TERB1: variants seen among roughly 807,000 people sequenced by gnomAD.
TERB1 encodes the protein telomere repeats-binding bouquet formation protein 1.
In TERB1, 63 loss-of-function variants were observed where a neutral mutation model predicts 92.3. That is an observed-to-expected ratio of 0.68 (90% confidence interval 0.56 to 0.84). The LOEUF (loss-of-function observed/expected upper bound fraction) is 0.84. Among genes scored for constraint, TERB1 ranks in the 40% least tolerant of loss-of-function variants. The probability of loss-of-function intolerance (pLI) is 0.00; values close to 1 mark genes in which losing one functional copy is unlikely to be tolerated. For synonymous variants in TERB1, 252 were observed against 283.9 expected (o/e 0.89, Z 1.13); for missense variants, 709 against 843.7 (o/e 0.84, Z 1.98).
chr16:66,775,096 C>A, intron 12 of TERB1, 22 bp downstream of exon 12: 1 of 1,550,028 alleles, frequency 6.5e-7, no homozygotes, highest in Non-Finnish European at 8.7e-7. Flanking sequence ...TTGGTATGTT[C>A]TTAAAGTAAT....
chr16:66,769,617 C>T (rs891499835), intron 14 of TERB1, among the ~76,000 whole-genome samples: 12 of 152,312 alleles, frequency 7.9e-5, no homozygotes, highest in East Asian at 3.9e-4. Flanking sequence ...TATCAATGCA[C>T]GCATTGTTAC....
chr16:66,779,998 T>C (rs1464154906), intron 9 of TERB1, among the ~76,000 whole-genome samples: 16 of 152,162 alleles, frequency 1.1e-4, no homozygotes. Flanking sequence ...ATGCCTTTAA[T>C]GACTACAGGC....
chr16:66,768,283 G>GA (rs2018384587), intron 14 of TERB1, 115 bp from the exon 15 acceptor site: 1 of 749,270 alleles, frequency 1.3e-6, no homozygotes, highest in East Asian at 2.7e-5. Flanking sequence ...AAGCAACCTG[G>GA]AATCACGATC....
chr16:66,785,049 T>A (rs1468291356), intron 9 of TERB1, among the ~76,000 whole-genome samples: 1 of 143,366 alleles, frequency 7.0e-6, no homozygotes, highest in Non-Finnish European at 1.5e-5. Context: ...TGAGACAGTC[T>A]CTTTCTGTTG....
At chr16:66,784,945 ACT>A (rs2018702117) in intron 9 of TERB1, among the ~76,000 whole-genome samples, 1 of 148,316 alleles carries the variant, frequency 6.7e-6, no homozygotes, top group Non-Finnish European at 1.5e-5. Flanking sequence ...CTGGTCTCAA[ACT>A]CCTGACCTCA....
chr16:66,759,820 GGAAA>G (rs1459825745), intron 16 of TERB1, among the ~76,000 whole-genome samples: 3 of 135,870 alleles, frequency 2.2e-5, no homozygotes, highest in East Asian at 4.1e-4. Context: ...AAAAAAAAAA[GGAAA>G]GAAAGAAAAG....
At chr16:66,793,725 G>A (rs2018878190) in intron 3 of TERB1, among the ~76,000 whole-genome samples, 1 of 151,908 alleles carries the variant, frequency 6.6e-6, no homozygotes, top group South Asian at 2.1e-4. Context: ...ATTGCCCAGG[G>A]TGGTTTCGAA....
chr16:66,776,394 G>A (rs2145156945), intron 11 of TERB1, among the ~76,000 whole-genome samples: 1 of 151,886 alleles, frequency 6.6e-6, no homozygotes, highest in South Asian at 2.1e-4. Context: ...TCTCATAAGT[G>A]ATCTCAGAAA....
intron 11 of TERB1, among the ~76,000 whole-genome samples, chr16:66,776,903 A>G (rs764212068): frequency 7.1e-6 from 1 of 140,428 alleles, no homozygotes; most frequent in Non-Finnish European, 1.5e-5. Context: ...TGAGAAAACC[A>G]CTGCAATAAT....
chr16:66,792,000 T>C (rs1307056662), intron 3 of TERB1, among the ~76,000 whole-genome samples: 1 of 152,114 alleles, frequency 6.6e-6, no homozygotes, highest in Admixed American at 6.5e-5. Context: ...TACAGACCAG[T>C]TTCCCTCATG....
chr16:66,792,083 C>T (rs545606171), intron 3 of TERB1, among the ~76,000 whole-genome samples: 7 of 152,030 alleles, frequency 4.6e-5, no homozygotes, highest in Middle Eastern at 3.4e-3. Context: ...AAATACATCA[C>T]GACTAAGTGG....
At chr16:66,760,783 C>CA (rs57817560) in intron 16 of TERB1, among the ~76,000 whole-genome samples, 73 of 67,150 alleles carry the variant, frequency 1.1e-3, no homozygotes, top group East Asian at 1.5e-3. Flanking sequence ...GACTCCATCT[C>CA]AAAAAAAAAA....
At position 66,791,035 on chromosome 16, in the gene TERB1, G is replaced by A; in HGVS notation, c.32-16C>T. The A allele has an allele frequency of 1.2e-5, 17 of 1,397,326 alleles. No homozygotes were observed. The highest frequency in any genetic ancestry group is 1.6e-5 in the Non-Finnish European group (16 of 1,025,752). The allele number at this position is 1,397,326 out of a possible 1,614,324, so 86.6% of individuals were successfully genotyped here. A position where few individuals can be genotyped will look rare whatever the true frequency, so the allele number is the denominator to read the frequency against. ...GTCTTCATTTCTAAAGAACAAAAAT[G>A]TCATTATTTTAAACCAAAAGGTTTA... On this transcript the variant is annotated splice_polypyrimidine_tract_variant and intron_variant, in intron 3 of 18. Transcript: ENST00000433154.
At position 66,788,583 on chromosome 16, in the gene TERB1, A is replaced by C. The variant is rs363165; in HGVS notation, c.272-286T>G. ...ACTTACCTGAATAAAAAATTAAATA[A>C]AATTTAGCAAAAAAAAAAAACACTT... On this transcript the variant is annotated intron_variant, in intron 5 of 18. Transcript: ENST00000433154. 0.038 allele frequency among the ~76,000 whole-genome samples: 5,833 copies of C among 151,592 alleles called. 659 individuals carry two copies. In the East Asian group the frequency reaches 0.4, roughly 10 times the overall value.
At chr16:66,801,326 G>T (rs1179705997) in intron 1 of TERB1, 142 bp downstream of exon 1, 1 of 152,292 alleles carries the variant, frequency 6.6e-6, no homozygotes, top group Non-Finnish European at 1.5e-5. Context: ...GCCAAGGGCT[G>T]TGGGGACTAC....
At position 66,775,150 on chromosome 16, in the gene TERB1, G is replaced by T; in HGVS notation, c.1079C>A (p.Ala360Asp). The change falls in exon 12 of 19, where the codon GCC becomes GAC. Residue 360 changes from alanine (A) to aspartate (D), a missense_variant. By Grantham distance (126) the Ala-to-Asp change is moderately radical (BLOSUM62 -2). Transcript: ENST00000433154. ...TTTGCAGTTGTGAAGCACAAATGTG[G>T]CAGCTTTGTTCAGTTCCTCATTCTG... ...ESQNEELNKAATFVLHNCKKI... is the reference protein window; with the variant it reads ...ESQNEELNKADTFVLHNCKKI... 6.4e-7 allele frequency: 1 copy of T among 1,551,600 alleles called. No individual in the cohort carries two copies. The highest frequency in any genetic ancestry group is 1.2e-5 in the South Asian group (1 of 84,064).
At chr16:66,788,644 A>G (rs1277245690) in intron 5 of TERB1, among the ~76,000 whole-genome samples, 1 of 152,116 alleles carries the variant, frequency 6.6e-6, no homozygotes, top group Non-Finnish European at 1.5e-5. Flanking sequence ...AAGAAAAACA[A>G]TTCAAGAAAA....
intron 12 of TERB1, among the ~76,000 whole-genome samples, chr16:66,774,089 G>A (rs915829989): frequency 6.0e-5 from 9 of 150,120 alleles, no homozygotes; most frequent in Non-Finnish European, 8.9e-5. Flanking sequence ...CACCATGTTC[G>A]CCAGGCTGGT....
Position 66,761,109 on chromosome 16 carries a change from C to CAAA in TERB1, c.1781-1822_1781-1820dup, listed in dbSNP as rs34199990. Among the ~76,000 whole-genome samples the CAAA allele has an allele frequency of 3.2e-3, 224 of 71,012 alleles. 1 individual carries two copies. Among genetic ancestry groups the CAAA allele is most frequent in the East Asian group, 8.7e-3 (26 of 2,980 alleles). 46.6% of individuals were successfully genotyped at this position (71,012 alleles called of 152,430 possible). ...TGGGCGACAGAGCGAGACTCCACCT[C>CAAA]AAAAAAAAAAAAAAAAAGAAAAGAA... On this transcript the variant is annotated intron_variant, in intron 16 of 18. Transcript: ENST00000433154.
Sources: allele counts gnomAD v4.1 joint callset (sites outside exome capture counted in the v4.1 genomes callset), GRCh38; gene constraint gnomAD v4.1.1; transcripts MANE v1.5; gene names NCBI Gene and HGNC (gene_info 2026-07-23, HGNC 2026-07-21).